Variants in CDH12 observed in about 807,000 individuals in gnomAD.
CDH12 encodes the protein cadherin 12, also known as cadherin-12.
CDH12 carries 41 observed loss-of-function variants against 74.1 expected under a neutral mutation model. The observed-to-expected ratio is 0.55, with a 90% CI of 0.43 to 0.72. The LOEUF is 0.72. Among genes scored for constraint, CDH12 ranks in the 30% least tolerant of loss-of-function variants. The pLI is 0.00. For synonymous variants in CDH12, 399 were observed against 355.0 expected, an observed-to-expected ratio of 1.12 and a Z score of -1.39; for missense variants, 945 against 977.2, an observed-to-expected ratio of 0.97 and a Z score of 0.44.
At chr5:22,413,541 G>T (rs1049782732) in intron 2 of CDH12, among the ~76,000 whole-genome samples, 4 of 151,928 alleles carry the variant, frequency 2.6e-5, no homozygotes, top group Non-Finnish European at 4.4e-5. Flanking sequence ...AAATTATATT[G>T]CTTTGAAAAG....
chr5:21,886,309 A>G (rs1464122306), intron 6 of CDH12, among the ~76,000 whole-genome samples: 1 of 151,824 alleles, frequency 6.6e-6, no homozygotes, highest in Non-Finnish European at 1.5e-5. Flanking sequence ...ATTACCAGGC[A>G]TATTCACTGG....
At chr5:22,811,556 C>G (rs1395539992) in intron 1 of CDH12, among the ~76,000 whole-genome samples, 2 of 152,144 alleles carry the variant, frequency 1.3e-5, no homozygotes, top group Admixed American at 6.5e-5. Flanking sequence ...TGAGTGGTTA[C>G]TCCTACCTGA....
intron 10 of CDH12, 47 bp from the exon 11 acceptor site, chr5:21,783,541 A>G: frequency 7.0e-7 from 1 of 1,425,848 alleles, no homozygotes; most frequent in Non-Finnish European, 9.8e-7. Flanking sequence ...TTACACATTA[A>G]TCATAATGGC....
intron 5 of CDH12, among the ~76,000 whole-genome samples, chr5:22,025,226 C>G (rs573345417): frequency 1.3e-5 from 2 of 152,104 alleles, no homozygotes; most frequent in Admixed American, 1.3e-4. Flanking sequence ...TTTCTGGACA[C>G]AAGGGAGCTT....
At chr5:21,903,193 C>T (rs1313513879) in intron 6 of CDH12, among the ~76,000 whole-genome samples, 1 of 151,884 alleles carries the variant, frequency 6.6e-6, no homozygotes, top group Non-Finnish European at 1.5e-5. Flanking sequence ...TTCTGGGAAG[C>T]AGAAAAATAA....
chr5:22,295,803 A>G (rs1036910611), intron 3 of CDH12, among the ~76,000 whole-genome samples: 8 of 152,132 alleles, frequency 5.3e-5, no homozygotes, highest in African/African-American at 1.7e-4. Context: ...GTTATACGAC[A>G]AGAATCTCTA....
intron 5 of CDH12, among the ~76,000 whole-genome samples, chr5:22,039,272 T>C (rs1308648123): frequency 6.6e-6 from 1 of 151,904 alleles, no homozygotes; most frequent in Non-Finnish European, 1.5e-5. Flanking sequence ...TACCTCTTCT[T>C]CTCCAGAGCT....
chr5:22,280,830 T>G (rs554285219), intron 3 of CDH12, among the ~76,000 whole-genome samples: 55 of 152,232 alleles, frequency 3.6e-4, no homozygotes, highest in African/African-American at 1.3e-3. Context: ...CTGAGACTAT[T>G]CCAATCAATA....
intron 6 of CDH12, among the ~76,000 whole-genome samples, chr5:21,940,063 A>AAAAT (rs901954545): frequency 2.0e-5 from 3 of 151,958 alleles, no homozygotes; most frequent in African/African-American, 4.8e-5. Flanking sequence ...TCTACTTAAA[A>AAAAT]AAATAAATAA....
At chr5:22,082,493 AG>A (rs1742808850) in intron 4 of CDH12, among the ~76,000 whole-genome samples, 1 of 152,200 alleles carries the variant, frequency 6.6e-6, no homozygotes, top group South Asian at 2.1e-4. Flanking sequence ...TACACATCCC[AG>A]GTGGGACAGA....
At position 22,297,313 on chromosome 5, in the gene CDH12, G is replaced by A. The variant is rs147515488; in HGVS notation, c.-332-84670C>T. Among the ~76,000 whole-genome samples, 684 of 152,232 alleles carry A rather than the reference G, an allele frequency of 4.5e-3. 4 individuals are homozygous for A. Among genetic ancestry groups the A allele is most frequent in the African/African-American group, 0.016 (654 of 41,538 alleles). On this transcript the variant is annotated intron_variant, in intron 3 of 14. Coordinates refer to ENST00000382254, the MANE Select transcript of CDH12 (RefSeq NM_004061.5). Reference sequence around the variant, plus strand: ...TGGGATAACAGGCATAAGCCACCGCGCCCGGCTTTCACATATATTTCTATT... The same window carrying A: ...TGGGATAACAGGCATAAGCCACCGCACCCGGCTTTCACATATATTTCTATT...
intron 1 of CDH12, among the ~76,000 whole-genome samples, chr5:22,757,161 T>C (rs898743334): frequency 6.6e-6 from 1 of 152,156 alleles, no homozygotes; most frequent in Non-Finnish European, 1.5e-5. Flanking sequence ...ATGTAACTTT[T>C]CTTCTTCCTG....
rs138337956 is a variant in CDH12 at position 22,033,028 on chromosome 5, C to T, written c.231+45418G>A. On this transcript the variant is annotated intron_variant, in intron 5 of 14. Transcript: ENST00000382254. The stretch of plus-strand genomic sequence containing the variant: ...CACAGCCAAGAGGCTATATAAACAT[C>T]TTGCTTCCAAAAAAAAAAAAAAAAT... Among the ~76,000 whole-genome samples, 1,174 of 134,694 alleles carry T rather than the reference C, an allele frequency of 8.7e-3. 21 individuals carry two copies. The highest frequency in any genetic ancestry group is 0.033 in the African/African-American group (1,112 of 33,582). The allele number at this position is 134,694 out of a possible 152,430, so 88.4% of individuals were successfully genotyped here.
intron 3 of CDH12, among the ~76,000 whole-genome samples, chr5:22,292,655 A>G (rs1737445827): frequency 1.3e-5 from 2 of 151,244 alleles, no homozygotes; most frequent in East Asian, 3.9e-4. Flanking sequence ...AACACAAATG[A>G]CCAATAGGTA....
intron 5 of CDH12, among the ~76,000 whole-genome samples, chr5:21,981,070 A>T (rs1207876176): frequency 1.3e-5 from 2 of 152,122 alleles, no homozygotes; most frequent in Non-Finnish European, 2.9e-5. Context: ...ATAAAAATAC[A>T]TATATAAAAT....
chr5:22,731,348 G>A (rs1339124470), intron 1 of CDH12, among the ~76,000 whole-genome samples: 1 of 151,660 alleles, frequency 6.6e-6, no homozygotes, highest in East Asian at 1.9e-4. Flanking sequence ...TGGATGTTAT[G>A]GATTATAAAA....
chr5:22,251,660 T>C (rs757131848), intron 3 of CDH12, among the ~76,000 whole-genome samples: 16 of 152,306 alleles, frequency 1.1e-4, no homozygotes, highest in Non-Finnish European at 2.1e-4. Flanking sequence ...GGTACAACCA[T>C]ATGATCACTA....
chr5:22,600,801 T>A (rs1380320199), intron 1 of CDH12, among the ~76,000 whole-genome samples: 1 of 152,054 alleles, frequency 6.6e-6, no homozygotes, highest in Admixed American at 6.6e-5. Flanking sequence ...CATTTTGGCT[T>A]GACATATTTG....
chr5:22,530,367 T>C (rs553444604), intron 1 of CDH12, among the ~76,000 whole-genome samples: 48 of 152,290 alleles, frequency 3.2e-4, no homozygotes, highest in African/African-American at 1.1e-3. Context: ...CAGAAAATCA[T>C]ATTAAAGTCT....
Sources: allele counts gnomAD v4.1 joint callset (sites outside exome capture counted in the v4.1 genomes callset), GRCh38; gene constraint gnomAD v4.1.1; transcripts MANE v1.5; gene names NCBI Gene and HGNC (gene_info 2026-07-23, HGNC 2026-07-21).